ADAMTS7: variants seen among roughly 807,000 people sequenced by gnomAD.
The protein encoded by ADAMTS7 is ADAM metallopeptidase with thrombospondin type 1 motif 7, also known as A disintegrin and metalloproteinase with thrombospondin motifs 7.
Under a neutral mutation model 172.6 loss-of-function variants are expected in ADAMTS7, and 89 were observed. The observed-to-expected ratio is 0.52, with a 90% CI of 0.43 to 0.61. The LOEUF is 0.61. ADAMTS7 is among the 20% of genes least tolerant of loss of function. ADAMTS7 has a pLI of 0.00. For synonymous variants in ADAMTS7, 885 were observed against 978.4 expected, an observed-to-expected ratio of 0.90 and a Z score of 1.78; for missense variants, 1,973 against 2,355.6, an observed-to-expected ratio of 0.84 and a Z score of 3.36.
chr15:78,797,993 C>A lies in ADAMTS7; in HGVS notation c.577G>T (p.Ala193Ser), dbSNP rs370945321. ...GGAGCACTGGAATCACCCCGCTGTG[C>A]CAGCCTCTCCGGGGCCTGACGCTTG... is the stretch of plus-strand genomic sequence containing the variant. ...VYKRQAPERLAQRGDSSAPST... is the reference protein window; with the variant it reads ...VYKRQAPERLSQRGDSSAPST... Residue 193 changes from alanine to serine, a missense_variant, in exon 3 of 24, where the codon GCA becomes TCA. Ala to Ser is a moderately conservative substitution (Grantham distance 99). Coordinates refer to ENST00000388820, the MANE Select transcript of ADAMTS7 (RefSeq NM_014272.5). The A allele has an allele frequency of 2.0e-5, 32 of 1,591,430 alleles. No homozygotes were observed. Among genetic ancestry groups the A allele is most frequent in the Non-Finnish European group, 2.4e-5 (28 of 1,171,368 alleles).
In ADAMTS7 at chr15:78,810,858, G is replaced by C. The variant is rs141039960; in HGVS notation, c.100+263C>G. On this transcript the variant is annotated intron_variant, in intron 1 of 23. Coordinates refer to ENST00000388820, the MANE Select transcript of ADAMTS7 (RefSeq NM_014272.5). ...AGGTGGGGAAACCGGAGCCCGAAGA[G>C]CGGAAGGGGCTTATTCCAGGCGACA... 1.2e-5 allele frequency: 4 copies of C among 342,096 alleles called. No homozygotes were observed. The East Asian group carries it at 1.8e-4, about 15-fold the overall frequency. The allele number at this position is 342,096 out of a possible 1,614,324, so 21.2% of individuals were successfully genotyped here.
chr15:78,776,034 G>A (rs1187509047), intron 11 of ADAMTS7, among the ~76,000 whole-genome samples, 154 bp downstream of exon 11: 2 of 152,218 alleles, frequency 1.3e-5, no homozygotes, highest in Admixed American at 1.3e-4. Flanking sequence ...AACACTCCTT[G>A]AAAGTGACTT....
At chr15:78,788,833 G>A (rs1483364788) in intron 7 of ADAMTS7, among the ~76,000 whole-genome samples, 1 of 152,236 alleles carries the variant, frequency 6.6e-6, no homozygotes, top group Non-Finnish European at 1.5e-5. Flanking sequence ...CCATCCTTGG[G>A]AAGGATACAA....
chr15:78,782,346 C>T (rs1361361998), intron 8 of ADAMTS7, among the ~76,000 whole-genome samples: 2 of 151,618 alleles, frequency 1.3e-5, no homozygotes, highest in African/African-American at 2.4e-5. Context: ...AGGTCCTTAA[C>T]CACCAAACAA....
At chr15:78,801,957 T>C (rs2055730887) in intron 1 of ADAMTS7, among the ~76,000 whole-genome samples, 2 of 152,200 alleles carry the variant, frequency 1.3e-5, no homozygotes, top group South Asian at 4.2e-4. Context: ...CCTCCCATAG[T>C]TCTGGGATTA....
In ADAMTS7 at chr15:78,765,570, T is replaced by C. The variant is rs568727780; in HGVS notation, c.4266+75A>G. 4.0e-5 allele frequency: 63 copies of C among 1,593,618 alleles called. No homozygotes were observed. The South Asian group carries it at 7.1e-4, about 18-fold the overall frequency. On this transcript the variant is annotated intron_variant, in intron 19 of 23. Coordinates refer to ENST00000388820, the MANE Select transcript of ADAMTS7 (RefSeq NM_014272.5). ...GACAGACGGCGCCTGTGTCCCACTC[T>C]GCTCATTTTCAGATGAGGAAATAGT...
intron 1 of ADAMTS7, among the ~76,000 whole-genome samples, chr15:78,806,170 C>T (rs1330365411): frequency 3.9e-5 from 5 of 128,890 alleles, no homozygotes; most frequent in Non-Finnish European, 7.9e-5. Flanking sequence ...AAAATGGGTG[C>T]AGTAGACCCA....
At position 78,806,805 on chromosome 15, in the gene ADAMTS7, C is replaced by T. The variant is rs145530098; in HGVS notation, c.100+4316G>A. ...TTTTGAGAGAGAGTTTCGTTCTTGT[C>T]CCCCAGGCTGGAGTACAATTGCATG... On this transcript the variant is annotated intron_variant, in intron 1 of 23. Coordinates refer to ENST00000388820, the MANE Select transcript of ADAMTS7 (RefSeq NM_014272.5). Among the ~76,000 whole-genome samples the T allele has an allele frequency of 1.0e-2, 1,516 of 152,186 alleles. 13 individuals carry two copies. Among genetic ancestry groups the T allele is most frequent in the Non-Finnish European group, 0.015 (1,021 of 68,004 alleles).
chr15:78,772,120 TA>T (rs1441854239), intron 14 of ADAMTS7, among the ~76,000 whole-genome samples: 1 of 152,058 alleles, frequency 6.6e-6, no homozygotes, highest in Non-Finnish European at 1.5e-5. Flanking sequence ...ATCTTCTTTC[TA>T]AAAAAACCAA....
intron 8 of ADAMTS7, among the ~76,000 whole-genome samples, chr15:78,778,025 G>C (rs1359276193): frequency 6.6e-6 from 1 of 152,224 alleles, no homozygotes; most frequent in Non-Finnish European, 1.5e-5. Flanking sequence ...CACCCAGGCA[G>C]AGACCTTGGG....
At position 78,776,228 on chromosome 15, in the gene ADAMTS7, T is replaced by C. The variant is rs113644773; in HGVS notation, c.1666A>G (p.Met556Val). The C allele has an allele frequency of 2.9e-4, 462 of 1,611,586 alleles. 4 individuals are homozygous for C. The African/African-American group carries it at 4.6e-3, about 16-fold the overall frequency. Reference protein sequence around the residue: ...AWSICSRSCGMGVQSAERQCT... With the variant: ...AWSICSRSCGVGVQSAERQCT... Reference sequence around the variant, plus strand: ...TGCCGCTCGGCGCTCTGTACGCCCATGCCACAGCTCCGTGAGCAGATGGAC... The same window carrying C: ...TGCCGCTCGGCGCTCTGTACGCCCACGCCACAGCTCCGTGAGCAGATGGAC... Residue 556 changes from methionine to valine, a missense_variant, in exon 11 of 24, where the codon ATG (methionine) becomes GTG (valine). Around this residue, in one of 8 missense-constraint regions of ADAMTS7, gnomAD observed 526 missense variants for 662.9 expected, o/e 0.79. Coordinates refer to ENST00000388820, the MANE Select transcript of ADAMTS7 (RefSeq NM_014272.5).
rs1222933923 is a variant in ADAMTS7 at position 78,764,084 on chromosome 15, C to T, written c.4435G>A (p.Gly1479Ser). The T allele has an allele frequency of 6.5e-6, 10 of 1,526,796 alleles. No homozygotes were observed. The highest frequency in any genetic ancestry group is 2.5e-5 in the South Asian group (2 of 81,528). 94.6% of individuals were successfully genotyped at this position (1,526,796 alleles called of 1,614,324 possible). A position where few individuals can be genotyped will look rare whatever the true frequency, so the allele number is the denominator to read the frequency against. Reference sequence around the variant, plus strand: ...ACGTCCCGCACTGAGGAACCTCCGCCGCAGCTGCGGGAGCACTGGGGACCG... The same window carrying T: ...ACGTCCCGCACTGAGGAACCTCCGCTGCAGCTGCGGGAGCACTGGGGACCG... ...GNWSKCSRSC[G>S]GGSSVRDVQC... The change falls in exon 21 of 24, where the codon GGC (glycine) becomes AGC (serine). Residue 1479 changes from glycine (G) to serine (S), a missense_variant. Coordinates refer to ENST00000388820, the MANE Select transcript of ADAMTS7 (RefSeq NM_014272.5).
In ADAMTS7 at chr15:78,761,449, T is replaced by C. The variant is rs146277545; in HGVS notation, c.4903+954A>G. Among the ~76,000 whole-genome samples the C allele has an allele frequency of 2.4e-3, 362 of 152,254 alleles. 2 individuals are homozygous for C. The highest frequency in any genetic ancestry group is 8.3e-3 in the African/African-American group (345 of 41,558). On this transcript the variant is annotated intron_variant, in intron 23 of 23. Transcript: ENST00000388820. The stretch of plus-strand genomic sequence containing the variant: ...CCAGGCCCTCTCCCTGACCTTGCAA[T>C]TGGGGATGACAGTGGCTGTGGGGGA...
intron 23 of ADAMTS7, chr15:78,762,124 A>C (rs1487756904): frequency 1.7e-4 from 168 of 966,354 alleles, no homozygotes; most frequent in Non-Finnish European, 2.1e-4. Flanking sequence ...CACACAGCAA[A>C]TCAGGGGCCA....
At chr15:78,790,332 T>G (rs1187816378) in intron 6 of ADAMTS7, among the ~76,000 whole-genome samples, 1 of 151,952 alleles carries the variant, frequency 6.6e-6, no homozygotes. Flanking sequence ...GTGGAACTGA[T>G]GAGATCTGAG....
Position 78,774,191 on chromosome 15 carries a change from G to A in ADAMTS7, c.1986C>T (p.Asp662=). Residue 662 remains aspartate, a synonymous_variant, in exon 13 of 24, where the codon GAC becomes GAT. Coordinates refer to ENST00000388820, the MANE Select transcript of ADAMTS7 (RefSeq NM_014272.5). ...TPCYQVRASR[D]LCINGICKNV... ...CCTTACAGATGCCGTTGATGCAGAG[G>A]TCCCGGCTGGCTCGGACCTGGTAGC... 1.3e-6 allele frequency: 2 copies of A among 1,591,402 alleles called. No homozygotes were observed. The highest frequency in any genetic ancestry group is 1.1e-5 in the South Asian group (1 of 89,468).
chr15:78,762,515 G>A lies in ADAMTS7; in HGVS notation c.4791C>T (p.Val1597=). 6.3e-7 allele frequency: 1 copy of A among 1,586,350 alleles called. No individual in the cohort carries two copies. Among genetic ancestry groups the A allele is most frequent in the Non-Finnish European group, 8.6e-7 (1 of 1,166,718 alleles). Residue 1597 remains valine (V), a synonymous_variant, in exon 23 of 24, where the codon GTC becomes GTT. Coordinates refer to ENST00000388820, the MANE Select transcript of ADAMTS7 (RefSeq NM_014272.5). ...CCTCGGGCAGCCCTGTCTGGGTGTT[G>A]ACACACTTGACCAGGCGCCGCTGGA... ...GGVQRRLVKC[V]NTQTGLPEED...
At chr15:78,809,143 G>A (rs2055833511) in intron 1 of ADAMTS7, among the ~76,000 whole-genome samples, 1 of 152,190 alleles carries the variant, frequency 6.6e-6, no homozygotes, top group South Asian at 2.1e-4. Context: ...CATACGGCAT[G>A]AGGAGGACAC....
intron 6 of ADAMTS7, 35 bp downstream of exon 6, chr15:78,790,635 A>C (rs1216865220): frequency 6.2e-7 from 1 of 1,609,966 alleles, no homozygotes; most frequent in East Asian, 2.2e-5. Context: ...GCACCTCCTG[A>C]GATGCAGGCT....
Sources: allele counts gnomAD v4.1 joint callset (sites outside exome capture counted in the v4.1 genomes callset), GRCh38; gene constraint gnomAD v4.1.1; regional missense constraint gnomAD v4.1.1; transcripts MANE v1.5; gene names NCBI Gene and HGNC (gene_info 2026-07-23, HGNC 2026-07-21).